The following HTRA1 variants were observed in gnomAD, a reference collection of about 807,000 sequenced individuals.
HTRA1 encodes the protein serine protease HTRA1.
A neutral mutation model predicts 49.7 loss-of-function variants in HTRA1; 26 were observed. The ratio of observed to expected loss-of-function variants is 0.52; its 90% CI spans 0.38 to 0.73. The LOEUF is 0.73. Among genes scored for constraint, HTRA1 ranks in the 30% least tolerant of loss-of-function variants. HTRA1 has a pLI of 0.00. For missense variants in HTRA1, 561 were observed against 667.2 expected (o/e 0.84, Z 1.75); for synonymous variants, 291 against 286.9 (o/e 1.01, Z -0.14).
chr10:122,511,475 G>A (rs2097505531), intron 7 of HTRA1, among the ~76,000 whole-genome samples: 1 of 152,134 alleles, frequency 6.6e-6, no homozygotes, highest in Admixed American at 6.5e-5. Context: ...GCTCACATCT[G>A]TAATCCCAGC....
rs775254821 is a variant in HTRA1, at chr10:122,508,810, G to A, written c.1120+40G>A. Reference sequence around the variant, plus strand: ...CACAGCCCTGGGGACTCCGGAGATGGGGCCTGAAGCTCAGCTGCCCTTTGG... The same window carrying A: ...CACAGCCCTGGGGACTCCGGAGATGAGGCCTGAAGCTCAGCTGCCCTTTGG... On this transcript the variant is annotated intron_variant, in intron 6 of 8. Transcript: ENST00000368984. 12 of 1,227,472 alleles carry A rather than the reference G, an allele frequency of 9.8e-6. No homozygotes were observed. The Admixed American group carries it at 2.0e-4, about 21-fold the overall frequency. The allele number at this position is 1,227,472 out of a possible 1,614,324, so 76.0% of individuals were successfully genotyped here. A position where few individuals can be genotyped will look rare whatever the true frequency, so the allele number is the denominator to read the frequency against.
chr10:122,508,927 G>A (rs1036445706), intron 6 of HTRA1, among the ~76,000 whole-genome samples, 157 bp downstream of exon 6: 4 of 152,158 alleles, frequency 2.6e-5, no homozygotes, highest in Admixed American at 6.5e-5. Flanking sequence ...TAAATCCCTC[G>A]CAGAAGGTCA....
At position 122,510,077 on chromosome 10, in the gene HTRA1, C is replaced by T. The variant is rs754129490; in HGVS notation, c.1121-19C>T. ...ACCAACTGGGCTGACCTTCTGCTGT[C>T]CCTTTGTTGTCTCACCAGGAAAAGC... On this transcript the variant is annotated intron_variant, in intron 6 of 8. Coordinates refer to ENST00000368984, the MANE Select transcript of HTRA1 (RefSeq NM_002775.5). 6.2e-7 allele frequency: 1 copy of T among 1,611,770 alleles called. No individual in the cohort carries two copies. The highest frequency in any genetic ancestry group is 1.3e-5 in the African/African-American group (1 of 74,858).
At chr10:122,501,691 G>A (rs74579921) in intron 3 of HTRA1, among the ~76,000 whole-genome samples, 3,902 of 152,244 alleles carry the variant, frequency 0.026, 59 homozygotes, top group Middle Eastern at 0.048. Context: ...GGATACTGCC[G>A]ATGACCTACG....
intron 4 of HTRA1, 99 bp from the exon 5 acceptor site, chr10:122,507,271 C>G: frequency 1.1e-6 from 1 of 934,070 alleles, no homozygotes; most frequent in Non-Finnish European, 1.8e-6. Flanking sequence ...ATCGTGCCCC[C>G]CACTCTAGGC....
chr10:122,484,999 G>T (rs2097492513), intron 1 of HTRA1, among the ~76,000 whole-genome samples: 1 of 152,242 alleles, frequency 6.6e-6, no homozygotes, highest in Admixed American at 6.5e-5. Flanking sequence ...GATCACAGCA[G>T]ATGGGCCAGC....
rs1565427230 is a variant in HTRA1 at position 122,496,258 on chromosome 10, T to TTTTTTTTTTTTTG, written c.777+6633_777+6634insTTTTTTTTTTTGT. Among the ~76,000 whole-genome samples the TTTTTTTTTTTTTG allele has an allele frequency of 1.9e-4, 25 of 132,570 alleles. 1 individual carries two copies. The highest frequency in any genetic ancestry group is 6.9e-4 in the African/African-American group (25 of 36,226). 87.0% of individuals were successfully genotyped at this position (132,570 alleles called of 152,430 possible). ...TTTTTTTTTTTTTTTTTTTTTTTTT[T>TTTTTTTTTTTTTG]TGCAGAGATGAAGCTTTGATCTTGT... On this transcript the variant is annotated intron_variant, in intron 3 of 8. Coordinates refer to ENST00000368984, the MANE Select transcript of HTRA1 (RefSeq NM_002775.5).
chr10:122,502,637 G>A (rs189098173), intron 3 of HTRA1, among the ~76,000 whole-genome samples: 2,730 of 152,328 alleles, frequency 0.018, 73 homozygotes, highest in East Asian at 0.14. Flanking sequence ...CTGGGGGCCA[G>A]TGGGCGTTTT....
At chr10:122,513,590 G>A (rs564419530) in intron 8 of HTRA1, among the ~76,000 whole-genome samples, 1 of 129,880 alleles carries the variant, frequency 7.7e-6, no homozygotes, top group South Asian at 2.6e-4. Flanking sequence ...GAGCCCAGGA[G>A]TTCGAGACTA....
At chr10:122,473,239 G>T (rs1299720302) in intron 1 of HTRA1, among the ~76,000 whole-genome samples, 1 of 152,130 alleles carries the variant, frequency 6.6e-6, no homozygotes, top group Non-Finnish European at 1.5e-5. Context: ...GGTGTTTGTC[G>T]GCTTGTCCTT....
chr10:122,470,145 G>C (rs568150632), intron 1 of HTRA1, among the ~76,000 whole-genome samples: 10 of 152,110 alleles, frequency 6.6e-5, no homozygotes, highest in Non-Finnish European at 1.5e-4. Flanking sequence ...TCTGCCTACT[G>C]ATCTATCAAT....
At chr10:122,491,215 C>T (rs1389083052) in intron 3 of HTRA1, among the ~76,000 whole-genome samples, 2 of 152,194 alleles carry the variant, frequency 1.3e-5, no homozygotes, top group Non-Finnish European at 2.9e-5. Context: ...GTCTAGTAAC[C>T]TGTGTGAGGC....
At position 122,461,709 on chromosome 10, in the gene HTRA1, C is replaced by A; in HGVS notation, c.57C>A (p.Pro19=). The change falls in exon 1 of 9, where the codon CCC becomes CCA. Residue 19 remains proline (P), a synonymous_variant. Transcript: ENST00000368984. ...LPLLLLLLAA[P]ASAQLSRAGR... ...TGCTGCTGCTGCTGCTGGCGGCGCC[C>A]GCCTCGGCGCAGCTGTCCCGGGCCG... 2 of 1,298,006 alleles carry A rather than the reference C, an allele frequency of 1.5e-6. No individual in the cohort carries two copies. Among genetic ancestry groups the A allele is most frequent in the East Asian group, 4.8e-5 (1 of 20,852 alleles). The allele number at this position is 1,298,006 out of a possible 1,614,324, so 80.4% of individuals were successfully genotyped here. A position where few individuals can be genotyped will look rare whatever the true frequency, so the allele number is the denominator to read the frequency against.
At position 122,514,610 on chromosome 10, in the gene HTRA1, T is replaced by C; in HGVS notation, c.*251T>C. The stretch of plus-strand genomic sequence containing the variant: ...TGCAGTGTGCTTTTTCTTGCCAGCT[T>C]GGGCCATTCTTGCTTAGACAGTCAG... On this transcript the variant is annotated 3_prime_UTR_variant, in exon 9 of 9. Coordinates refer to ENST00000368984, the MANE Select transcript of HTRA1 (RefSeq NM_002775.5). 1 of 499,688 alleles carries C rather than the reference T, an allele frequency of 2.0e-6. No homozygotes were observed. Among genetic ancestry groups the C allele is most frequent in the South Asian group, 2.0e-5 (1 of 49,186 alleles). 31.0% of individuals were successfully genotyped at this position (499,688 alleles called of 1,614,324 possible).
Position 122,506,804 on chromosome 10 carries a change from G to A in HTRA1, c.891G>A (p.Val297=). Residue 297 remains valine (V), a synonymous_variant, in exon 4 of 9, where the codon GTG becomes GTA. Transcript: ENST00000368984. This position sits in a 1 kb window ranked among gnomAD's most constrained non-coding sequence, Gnocchi z 5.2. ...AAAACACAGTCACCACCGGGATCGT[G>A]AGCACCACCCAGCGAGGCGGCAAAG... ...SLQNTVTTGI[V]STTQRGGKEL... is the part of the protein sequence containing the mutation. 1 of 1,613,900 alleles carries A rather than the reference G, an allele frequency of 6.2e-7. No homozygotes were observed. Among genetic ancestry groups the A allele is most frequent in the Non-Finnish European group, 8.5e-7 (1 of 1,180,010 alleles).
chr10:122,474,117 G>A (rs1362449807), intron 1 of HTRA1, among the ~76,000 whole-genome samples: 1 of 152,158 alleles, frequency 6.6e-6, no homozygotes, highest in African/African-American at 2.4e-5. Context: ...CTATATGGAT[G>A]GGGATTACGC....
intron 3 of HTRA1, among the ~76,000 whole-genome samples, chr10:122,498,637 C>T (rs1008772275): frequency 2.6e-5 from 4 of 152,122 alleles, no homozygotes; most frequent in Non-Finnish European, 5.9e-5. Context: ...TTTTCACAGT[C>T]CTCTGTGAAA....
intron 3 of HTRA1, among the ~76,000 whole-genome samples, chr10:122,499,187 G>A (rs2097499927): frequency 6.6e-6 from 1 of 152,050 alleles, no homozygotes; most frequent in African/African-American, 2.4e-5. Flanking sequence ...TGGAGGAGTG[G>A]GACCCTAGGG....
chr10:122,487,576 G>T lies in HTRA1; in HGVS notation c.473-1326G>T, dbSNP rs951495967. On this transcript the variant is annotated intron_variant, in intron 1 of 8. Coordinates refer to ENST00000368984, the MANE Select transcript of HTRA1 (RefSeq NM_002775.5). This position sits in a 1 kb window ranked among gnomAD's most constrained non-coding sequence, Gnocchi z 4.8. ...AAGTAGCTTTGGAAACGCCCACCAC[G>T]TGGGGCCACTCACTGTAATATAAAC... Among the ~76,000 whole-genome samples, 3 of 152,216 alleles carry T rather than the reference G, an allele frequency of 2.0e-5. No individual in the cohort carries two copies. The highest frequency in any genetic ancestry group is 4.4e-5 in the Non-Finnish European group (3 of 68,048).
Sources: allele counts gnomAD v4.1 joint callset (sites outside exome capture counted in the v4.1 genomes callset), GRCh38; gene constraint gnomAD v4.1.1; non-coding constraint Gnocchi (gnomAD v3.1); transcripts MANE v1.5; gene names NCBI Gene and HGNC (gene_info 2026-07-23, HGNC 2026-07-21).